The following PDE4D variants were observed in gnomAD, a reference collection of about 807,000 sequenced individuals.
PDE4D encodes phosphodiesterase 4D, also known as 3',5'-cyclic-AMP phosphodiesterase 4D.
PDE4D carries 24 observed loss-of-function variants against 87.4 expected under a neutral mutation model. The observed-to-expected ratio is 0.27, with a 90% confidence interval of 0.20 to 0.39. The LOEUF is 0.39. PDE4D is among the 10% of genes least tolerant of loss of function. PDE4D has a pLI of 1.00. For synonymous variants in PDE4D, 384 were observed against 383.2 expected, an observed-to-expected ratio of 1.00 and a Z score of -0.02; for missense variants, 714 against 1,041.0, an observed-to-expected ratio of 0.69 and a Z score of 4.32.
At chr5:60,172,903 T>G (rs1783598540) in intron 2 of PDE4D, among the ~76,000 whole-genome samples, 1 of 152,138 alleles carries the variant, frequency 6.6e-6, no homozygotes, top group South Asian at 2.1e-4. Context: ...CAAAAGAGTT[T>G]ACCTTCCTTG....
At chr5:59,959,606 G>T (rs1283084750) in intron 3 of PDE4D, among the ~76,000 whole-genome samples, 1 of 152,088 alleles carries the variant, frequency 6.6e-6, no homozygotes, top group Admixed American at 6.6e-5. Flanking sequence ...AATAAGCAGG[G>T]GGGAAGGGAC....
At chr5:60,480,379 G>A (rs558477821) in intron 1 of PDE4D, among the ~76,000 whole-genome samples, 5 of 151,848 alleles carry the variant, frequency 3.3e-5, no homozygotes, top group East Asian at 1.9e-4. Flanking sequence ...ATTAATATAC[G>A]TAAAATGTAA....
intron 1 of PDE4D, among the ~76,000 whole-genome samples, chr5:60,201,031 A>T (rs1741839160): frequency 1.3e-5 from 2 of 149,748 alleles, no homozygotes; most frequent in Non-Finnish European, 3.0e-5. Flanking sequence ...TTCTCATTAA[A>T]GCCGGGAGCA....
chr5:60,342,923 T>C (rs766457199), intron 1 of PDE4D, among the ~76,000 whole-genome samples: 2 of 152,206 alleles, frequency 1.3e-5, no homozygotes, highest in Non-Finnish European at 2.9e-5. Flanking sequence ...AACTATGTGA[T>C]TATTCCTGGT....
intron 11 of PDE4D, among the ~76,000 whole-genome samples, chr5:58,985,689 G>T (rs1372417400): frequency 3.3e-5 from 5 of 152,190 alleles, no homozygotes; most frequent in Non-Finnish European, 7.3e-5. Context: ...GGCAGCTCCA[G>T]CTCTGAGGCA....
chr5:59,927,660 G>A (rs141618562), intron 3 of PDE4D, among the ~76,000 whole-genome samples: 5 of 152,202 alleles, frequency 3.3e-5, no homozygotes, highest in Admixed American at 2.0e-4. Context: ...TAATTAGTAC[G>A]AAGGCACATA....
At chr5:60,402,253 T>C (rs1741157752) in intron 1 of PDE4D, among the ~76,000 whole-genome samples, 1 of 152,116 alleles carries the variant, frequency 6.6e-6, no homozygotes, top group Non-Finnish European at 1.5e-5. Flanking sequence ...ATCCTGGAGG[T>C]TGTGCGACAT....
At chr5:59,428,383 T>C (rs1372391070) in intron 1 of PDE4D, among the ~76,000 whole-genome samples, 6 of 152,104 alleles carry the variant, frequency 3.9e-5, no homozygotes, top group Non-Finnish European at 1.5e-5. Context: ...AACTCATAGC[T>C]ACTCTTCTTT....
rs116468806 is a variant in PDE4D at position 60,019,123 on chromosome 5, A to G, written c.43-30406T>C. Among the ~76,000 whole-genome samples, 344 of 152,302 alleles carry G rather than the reference A, an allele frequency of 2.3e-3. 1 individual carries two copies. The highest frequency in any genetic ancestry group is 4.0e-3 in the Non-Finnish European group (275 of 68,012). On this transcript the variant is annotated intron_variant, in intron 2 of 16. Coordinates refer to the PDE4D transcript ENST00000502484. ...CAGCAAATGCAAATGAACTGAAATC[A>G]TAACAGTCTCTCAGACCACATCACA...
At chr5:59,554,256 GC>G (rs1818551879) in intron 1 of PDE4D, among the ~76,000 whole-genome samples, 1 of 152,102 alleles carries the variant, frequency 6.6e-6, no homozygotes, top group Non-Finnish European at 1.5e-5. Context: ...GTTGTTTACA[GC>G]CTGCCAGGCA....
intron 1 of PDE4D, among the ~76,000 whole-genome samples, chr5:59,405,095 A>G (rs921074410): frequency 2.6e-5 from 4 of 151,456 alleles, no homozygotes; most frequent in Admixed American, 1.3e-4. Flanking sequence ...GAATTTTAAG[A>G]TATTTTTCTA....
rs74754915 is a variant in PDE4D at position 60,484,984 on chromosome 5, G to C, written c.-90+2958C>G. 7.3e-3 allele frequency among the ~76,000 whole-genome samples: 1,112 copies of C among 152,172 alleles called. 14 individuals are homozygous for C. Among genetic ancestry groups the C allele is most frequent in the African/African-American group, 0.026 (1,068 of 41,520 alleles). ...ACTGAGGCTTAGAAAACGTTTCATG[G>C]CCTGAGCGTGGTCCCGTTGACTCTA... On this transcript the variant is annotated intron_variant, in intron 1 of 16. Transcript: ENST00000502484.
chr5:59,044,017 C>T (rs548780637), intron 5 of PDE4D, among the ~76,000 whole-genome samples: 1,804 of 152,194 alleles, frequency 0.012, 39 homozygotes, highest in African/African-American at 0.041. Flanking sequence ...AATAAACATA[C>T]GTGTGCATGT....
intron 1 of PDE4D, among the ~76,000 whole-genome samples, chr5:59,287,833 G>A (rs1767285428): frequency 6.6e-6 from 1 of 152,096 alleles, no homozygotes; most frequent in South Asian, 2.1e-4. Flanking sequence ...TCCAGAGAAT[G>A]ACTCTGGATA....
At chr5:60,116,082 C>T (rs531845683) in intron 2 of PDE4D, among the ~76,000 whole-genome samples, 6 of 152,150 alleles carry the variant, frequency 3.9e-5, no homozygotes, top group African/African-American at 7.2e-5. Flanking sequence ...GCTTGGACTA[C>T]GTATCTTTAA....
At chr5:60,184,470 A>T (rs955454157) in intron 2 of PDE4D, among the ~76,000 whole-genome samples, 2 of 152,194 alleles carry the variant, frequency 1.3e-5, no homozygotes, top group African/African-American at 4.8e-5. Context: ...TTTATGCAAT[A>T]ATCCATACAA....
At chr5:59,151,718 C>A (rs180678622) in intron 5 of PDE4D, among the ~76,000 whole-genome samples, 1 of 151,944 alleles carries the variant, frequency 6.6e-6, no homozygotes, top group Admixed American at 6.6e-5. Flanking sequence ...AGAGATGGTG[C>A]GAAAGCAGAA....
chr5:60,483,177 G>C (rs989724380), intron 1 of PDE4D, among the ~76,000 whole-genome samples: 1 of 152,048 alleles, frequency 6.6e-6, no homozygotes, highest in Non-Finnish European at 1.5e-5. Flanking sequence ...GGGTGGGTGG[G>C]GGACAGAGTT....
intron 1 of PDE4D, among the ~76,000 whole-genome samples, chr5:60,445,178 T>C (rs1487660013): frequency 6.6e-6 from 1 of 152,142 alleles, no homozygotes; most frequent in Non-Finnish European, 1.5e-5. Flanking sequence ...ATGACGACCA[T>C]CTGGTCAGGA....
Sources: allele counts gnomAD v4.1 joint callset (sites outside exome capture counted in the v4.1 genomes callset), GRCh38; gene constraint gnomAD v4.1.1; transcripts MANE v1.5; gene names NCBI Gene and HGNC (gene_info 2026-07-23, HGNC 2026-07-21).